Variants in KSR2 observed in about 807,000 individuals in gnomAD.
KSR2 encodes kinase suppressor of ras 2.
A neutral mutation model predicts 107.8 loss-of-function variants in KSR2; 25 were observed. The ratio of observed to expected loss-of-function variants is 0.23; its 90% CI spans 0.17 to 0.32. The LOEUF (loss-of-function observed/expected upper bound fraction) is 0.32, where lower values mean the gene tolerates loss of function less well. Ranked by LOEUF, KSR2 falls within the 10% of genes least tolerant of loss-of-function variation. The pLI is 1.00. For missense variants in KSR2, 887 were observed against 1,268.9 expected (o/e 0.70, Z 4.57); for synonymous variants, 480 against 507.0 (o/e 0.95, Z 0.71).
intron 3 of KSR2, among the ~76,000 whole-genome samples, chr12:117,796,305 C>A (rs1477087445): frequency 6.6e-6 from 1 of 152,174 alleles, no homozygotes; most frequent in Non-Finnish European, 1.5e-5. Context: ...GAGCCTCAGT[C>A]TCCTAGTGTG....
At chr12:117,622,179 T>C (rs1285353138) in intron 5 of KSR2, among the ~76,000 whole-genome samples, 1 of 152,038 alleles carries the variant, frequency 6.6e-6, no homozygotes, top group African/African-American at 2.4e-5. Context: ...TACATCTCTC[T>C]GCACTTCTAT....
At chr12:117,870,505 C>T (rs886713795) in intron 1 of KSR2, among the ~76,000 whole-genome samples, 6 of 152,052 alleles carry the variant, frequency 3.9e-5, no homozygotes, top group Admixed American at 1.3e-4. Context: ...GAGGCTGAGA[C>T]AGGAGAATCG....
intron 4 of KSR2, among the ~76,000 whole-genome samples, chr12:117,703,194 T>C (rs930014735): frequency 2.0e-5 from 3 of 152,270 alleles, no homozygotes; most frequent in East Asian, 3.9e-4. Context: ...GAAGTTGTCA[T>C]TGGCCAGATC....
intron 14 of KSR2, among the ~76,000 whole-genome samples, chr12:117,505,877 C>T (rs1873650379): frequency 6.6e-6 from 1 of 152,166 alleles, no homozygotes; most frequent in African/African-American, 2.4e-5. Context: ...AGAAACAGCC[C>T]ATTTCACCAC....
At chr12:117,797,940 C>T (rs1890692287) in intron 3 of KSR2, among the ~76,000 whole-genome samples, 1 of 152,162 alleles carries the variant, frequency 6.6e-6, no homozygotes, top group Admixed American at 6.5e-5. Context: ...CATGAACCAC[C>T]ACACCCAGCC....
intron 16 of KSR2, among the ~76,000 whole-genome samples, chr12:117,481,067 A>G (rs1872147574): frequency 6.6e-6 from 1 of 152,256 alleles, no homozygotes; most frequent in East Asian, 1.9e-4. Context: ...CTGTCTCGAA[A>G]AAAAGAAAAA....
intron 3 of KSR2, among the ~76,000 whole-genome samples, chr12:117,769,117 C>A (rs1308092922): frequency 6.6e-6 from 1 of 152,202 alleles, no homozygotes; most frequent in East Asian, 1.9e-4. Flanking sequence ...TGCAGCTGAA[C>A]CTTAACTTCC....
At chr12:117,620,956 T>C (rs1401709998) in intron 5 of KSR2, among the ~76,000 whole-genome samples, 1 of 152,150 alleles carries the variant, frequency 6.6e-6, no homozygotes, top group Non-Finnish European at 1.5e-5. Flanking sequence ...ACTGTGGGAA[T>C]ATTAGAGGAT....
intron 7 of KSR2, among the ~76,000 whole-genome samples, chr12:117,564,239 G>A (rs567179447): frequency 2.0e-5 from 3 of 152,284 alleles, no homozygotes; most frequent in South Asian, 2.1e-4. Flanking sequence ...TCAAGATGGT[G>A]GGTCTGAAGG....
chr12:117,467,213 G>A lies in KSR2; in HGVS notation c.2847-8C>T, dbSNP rs370615492. Reference sequence around the variant, plus strand: ...ATGTCCAAAGGTCACAGCCTGGAGTGGGGAGAGAAGGGAGAGAGTGGTGAG... The same window carrying A: ...ATGTCCAAAGGTCACAGCCTGGAGTAGGGAGAGAAGGGAGAGAGTGGTGAG... On this transcript the variant is annotated splice_polypyrimidine_tract_variant and splice_region_variant and intron_variant, in intron 19 of 19. Transcript: ENST00000339824. 8.2e-6 allele frequency: 6 copies of A among 733,112 alleles called. No individual in the cohort carries two copies. In the African/African-American group the frequency reaches 8.9e-5, roughly 11 times the overall value. The allele number at this position is 733,112 out of a possible 1,614,324, so 45.4% of individuals were successfully genotyped here.
chr12:117,883,875 CAAAAAAA>C (rs34939587), intron 1 of KSR2, among the ~76,000 whole-genome samples: 1 of 93,858 alleles, frequency 1.1e-5, no homozygotes, highest in African/African-American at 4.2e-5. Context: ...GTCTCCATCT[CAAAAAAA>C]AAAAAAAAAA....
chr12:117,478,957 G>A (rs1222486540), intron 16 of KSR2, among the ~76,000 whole-genome samples: 4 of 152,126 alleles, frequency 2.6e-5, no homozygotes, highest in South Asian at 2.1e-4. Context: ...GATAGAAAAT[G>A]TTTGTTCATG....
At position 117,897,141 on chromosome 12, in the gene KSR2, G is replaced by T. The variant is rs950214436; in HGVS notation, c.181-36710C>A. ...CTTGAGGGAGTAGCGGAGCAGCCAC[G>T]TGTTCGTCATCAGGAATTATTGTTT... On this transcript the variant is annotated intron_variant, in intron 1 of 19. Transcript: ENST00000339824. The surrounding 1 kb of genome is among the most constrained non-coding windows in gnomAD (Gnocchi z 4.5). 6.6e-6 allele frequency among the ~76,000 whole-genome samples: 1 copy of T among 152,166 alleles called. No homozygotes were observed. The highest frequency in any genetic ancestry group is 1.5e-5 in the Non-Finnish European group (1 of 68,036).
intron 14 of KSR2, among the ~76,000 whole-genome samples, chr12:117,510,024 G>C (rs1269465539): frequency 6.6e-6 from 1 of 152,182 alleles, no homozygotes; most frequent in Non-Finnish European, 1.5e-5. Context: ...GGAGACTACA[G>C]AGGCGCTGAC....
Position 117,758,776 on chromosome 12 carries a change from TAGA to T in KSR2, c.986+2232_986+2234del, listed in dbSNP as rs556266057. Among the ~76,000 whole-genome samples the T allele has an allele frequency of 3.9e-4, 59 of 152,296 alleles. No individual in the cohort carries two copies. The South Asian group carries it at 3.9e-3, about 10-fold the overall frequency. On this transcript the variant is annotated intron_variant, in intron 4 of 19. Transcript: ENST00000339824. The stretch of plus-strand genomic sequence containing the variant: ...CTCACTTGGCCTCCATCTTGCAGAT[TAGA>T]AGATGATGTGTCTGGAGAGTCGGCT...
rs1355937177 is a variant in KSR2 at position 117,761,344 on chromosome 12, G to C, written c.653C>G (p.Ala218Gly). 1 of 1,581,578 alleles carries C rather than the reference G, an allele frequency of 6.3e-7. No homozygotes were observed. Among genetic ancestry groups the C allele is most frequent in the Non-Finnish European group, 8.6e-7 (1 of 1,168,532 alleles). ...CCTGTCCACGTGGGTGTACACAGGGGCCCCGGGAGTGGGGCTGGTGTGACA... is the reference window on the plus strand; with the variant it reads ...CCTGTCCACGTGGGTGTACACAGGGCCCCCGGGAGTGGGGCTGGTGTGACA... ...HYCHTSPTPG[A>G]PVYTHVDRLT... Residue 218 changes from alanine to glycine, a missense_variant, in exon 4 of 20, where the codon GCC becomes GGC. Physicochemically the swap from Ala to Gly is moderately conservative, Grantham distance 60. Around this residue, in one of 8 missense-constraint regions of KSR2, gnomAD observed 399 missense variants for 479.5 expected, o/e 0.83. Transcript: ENST00000339824.
At chr12:117,605,814 A>G (rs1881198201) in intron 5 of KSR2, among the ~76,000 whole-genome samples, 1 of 152,188 alleles carries the variant, frequency 6.6e-6, no homozygotes, top group South Asian at 2.1e-4. Flanking sequence ...TGAGATCATG[A>G]CCTTTGCAGG....
intron 1 of KSR2, among the ~76,000 whole-genome samples, chr12:117,860,654 C>T (rs904173483): frequency 6.6e-6 from 1 of 152,160 alleles, no homozygotes; most frequent in African/African-American, 2.4e-5. Context: ...GGGGAGGCGG[C>T]GCACATTAGT....
chr12:117,670,982 T>C (rs1884883620), intron 4 of KSR2, among the ~76,000 whole-genome samples: 1 of 152,190 alleles, frequency 6.6e-6, no homozygotes, highest in Admixed American at 6.5e-5. Flanking sequence ...CTCACTCTCT[T>C]AGAACCTGCT....
Sources: gnomAD v4.1 joint callset for allele counts (sites outside exome capture counted in the v4.1 genomes callset) on GRCh38, gnomAD v4.1.1 for gene constraint, gnomAD v4.1.1 regional missense constraint, Gnocchi (gnomAD v3.1) non-coding constraint, MANE v1.5 for transcripts, NCBI Gene and HGNC (gene_info 2026-07-23, HGNC 2026-07-21) for gene names.